BCL11B: variants seen among roughly 807,000 people sequenced by gnomAD.
BCL11B encodes B-cell lymphoma/leukemia 11B.
Under a neutral mutation model 49.9 loss-of-function variants are expected in BCL11B, and 8 were observed. The ratio of observed to expected loss-of-function variants is 0.16; its 90% CI spans 0.09 to 0.29. The LOEUF is 0.29. Among genes scored for constraint, BCL11B ranks in the 10% least tolerant of loss-of-function variants. BCL11B has a pLI of 1.00. For synonymous variants in BCL11B, 739 were observed against 637.4 expected, an observed-to-expected ratio of 1.16 and a Z score of -2.40; for missense variants, 1,006 against 1,351.0, an observed-to-expected ratio of 0.74 and a Z score of 4.00.
At chr14:99,223,376 C>T (rs1888066943) in intron 3 of BCL11B, among the ~76,000 whole-genome samples, 2 of 152,150 alleles carry the variant, frequency 1.3e-5, no homozygotes. Flanking sequence ...CCCCTAATGT[C>T]TATTATTTTG....
chr14:99,206,625 G>A (rs762735601), intron 3 of BCL11B, among the ~76,000 whole-genome samples: 5 of 152,140 alleles, frequency 3.3e-5, no homozygotes, highest in African/African-American at 4.8e-5. Flanking sequence ...TGCTTGTGTC[G>A]AAGCCACTCT....
In BCL11B at chr14:99,262,532, G is replaced by A. The variant is rs964363842; in HGVS notation, c.59-4693C>T. ...GGATGGGTCCCAGGCTCTTAAAATCGTGTGCCACCAACGTCACAACCGCCA... is the reference window on the plus strand; with the variant it reads ...GGATGGGTCCCAGGCTCTTAAAATCATGTGCCACCAACGTCACAACCGCCA... On this transcript the variant is annotated intron_variant, in intron 1 of 3. Coordinates refer to ENST00000357195, the MANE Select transcript of BCL11B (RefSeq NM_138576.4). The surrounding 1 kb of genome is among the most constrained non-coding windows in gnomAD (Gnocchi z 4.2). Among the ~76,000 whole-genome samples the A allele has an allele frequency of 1.3e-5, 2 of 152,122 alleles. No homozygotes were observed. Among genetic ancestry groups the A allele is most frequent in the African/African-American group, 2.4e-5 (1 of 41,422 alleles).
In BCL11B at chr14:99,175,600, C is replaced by G; in HGVS notation, c.1236G>C (p.Met412Ile). 6.4e-7 allele frequency: 1 copy of G among 1,570,940 alleles called. No individual in the cohort carries two copies. Among genetic ancestry groups the G allele is most frequent in the Non-Finnish European group, 8.6e-7 (1 of 1,163,716 alleles). ...PFLSTPPLPP[M>I]PPGGTPPPQP... Reference sequence around the variant, plus strand: ...GCGGGGGCGGCGTGCCGCCAGGGGGCATGGGCGGCAGCGGCGGCGTGCTCA... The same window carrying G: ...GCGGGGGCGGCGTGCCGCCAGGGGGGATGGGCGGCAGCGGCGGCGTGCTCA... Residue 412 changes from methionine (M) to isoleucine (I), a missense_variant, in exon 4 of 4, where the codon ATG (methionine) becomes ATC (isoleucine). Around this residue, in one of 6 missense-constraint regions of BCL11B, gnomAD observed 97 missense variants for 81.5 expected, o/e 1.19. Transcript: ENST00000357195.
Position 99,228,034 on chromosome 14 carries a change from T to TC in BCL11B, c.640+3310dup, listed in dbSNP as rs1387521819. 2.0e-5 allele frequency among the ~76,000 whole-genome samples: 3 copies of TC among 152,084 alleles called. No individual in the cohort carries two copies. Among genetic ancestry groups the TC allele is most frequent in the Non-Finnish European group, 4.4e-5 (3 of 68,012 alleles). On this transcript the variant is annotated intron_variant, in intron 3 of 3. Transcript: ENST00000357195. This position sits in a 1 kb window ranked among gnomAD's most constrained non-coding sequence, Gnocchi z 4.8. ...AAACACACATACCTGTGTGGTTTTC[T>TC]CCCCCCGTAAAATCACATCCTTCTA... is the stretch of plus-strand genomic sequence containing the variant.
At chr14:99,266,742 T>G (rs952766482) in intron 1 of BCL11B, among the ~76,000 whole-genome samples, 2 of 152,240 alleles carry the variant, frequency 1.3e-5, no homozygotes, top group African/African-American at 4.8e-5. Context: ...TCCCCCTAGC[T>G]GCCAAGTGGC....
In BCL11B at chr14:99,174,486, G is replaced by C; in HGVS notation, c.2350C>G (p.Pro784Ala). The C allele has an allele frequency of 6.4e-7, 1 of 1,562,660 alleles. No homozygotes were observed. The highest frequency in any genetic ancestry group is 1.2e-5 in the South Asian group (1 of 85,970). ...CCCTCCTTGGAGCTGGGCCGCCCGG[G>C]GCCCGGGCCGCCCAGGTGCGGGGTG... ...GSTPHLGGPGPGRPSSKEGRR... is the reference protein window; with the variant it reads ...GSTPHLGGPGAGRPSSKEGRR... The change falls in exon 4 of 4, where the codon CCC becomes GCC. Residue 784 changes from proline (P) to alanine (A), a missense_variant. By Grantham distance (27) the Pro-to-Ala change is conservative. This residue lies in a region of BCL11B where 443 missense variants were observed against 499.7 expected (regional missense o/e 0.89). Transcript: ENST00000357195.
intron 2 of BCL11B, among the ~76,000 whole-genome samples, chr14:99,245,934 TGGGGACCGACGGGGGCG>T (rs890146274): frequency 6.7e-6 from 1 of 148,372 alleles, no homozygotes; most frequent in African/African-American, 2.5e-5. Context: ...GCTGCTGGGC[TGGGGACCGACGGGGGCG>T]GGGGGGAAAG....
At chr14:99,251,970 AG>A (rs1889021519) in intron 2 of BCL11B, among the ~76,000 whole-genome samples, 1 of 152,200 alleles carries the variant, frequency 6.6e-6, no homozygotes, top group Non-Finnish European at 1.5e-5. Flanking sequence ...AGTTCAAAGT[AG>A]GGTTAGAAAT....
At chr14:99,222,281 G>C (rs1388663197) in intron 3 of BCL11B, among the ~76,000 whole-genome samples, 1 of 152,082 alleles carries the variant, frequency 6.6e-6, no homozygotes, top group African/African-American at 2.4e-5. Flanking sequence ...GGATTCCACT[G>C]TCCTGTGTAC....
intron 1 of BCL11B, among the ~76,000 whole-genome samples, chr14:99,269,307 T>C (rs1484758877): frequency 1.3e-5 from 2 of 152,178 alleles, no homozygotes; most frequent in Non-Finnish European, 1.5e-5. Context: ...AATAAGCGAT[T>C]GCTGTGGCTT....
chr14:99,188,634 G>A (rs904850893), intron 3 of BCL11B, among the ~76,000 whole-genome samples: 8 of 152,184 alleles, frequency 5.3e-5, no homozygotes, highest in Admixed American at 2.6e-4. Context: ...AGGTCAGTTC[G>A]TCTTTCTGGG....
chr14:99,175,552 C>A lies in BCL11B; in HGVS notation c.1284G>T (p.Ser428=), dbSNP rs895104538. ...TGAAGGTCTTGCCGCAGAACTCGCA[C>A]GACTTGCTCTTGGCTGGCGGCTGCG... ...PPPQPPAKSK[S]CEFCGKTFKF... Residue 428 remains serine, a synonymous_variant, in exon 4 of 4, where the codon TCG becomes TCT. Transcript: ENST00000357195. 2.5e-6 allele frequency: 4 copies of A among 1,600,440 alleles called. No individual in the cohort carries two copies. The South Asian group carries it at 3.3e-5, about 13-fold the overall frequency.
chr14:99,265,381 G>A (rs1889450151), intron 1 of BCL11B, among the ~76,000 whole-genome samples: 1 of 152,108 alleles, frequency 6.6e-6, no homozygotes, highest in Non-Finnish European at 1.5e-5. Context: ...CTAAAGGTGA[G>A]GCCTAACCAG....
At chr14:99,261,727 C>G (rs1273045726) in intron 1 of BCL11B, among the ~76,000 whole-genome samples, 3 of 152,060 alleles carry the variant, frequency 2.0e-5, no homozygotes, top group Non-Finnish European at 4.4e-5. Context: ...ATATTATGAG[C>G]CGAATAAAGT....
At position 99,271,871 on chromosome 14, in the gene BCL11B, G is replaced by T. The variant is rs1221502697; in HGVS notation, c.-653C>A. 3.3e-5 allele frequency among the ~76,000 whole-genome samples: 5 copies of T among 152,000 alleles called. No homozygotes were observed. The highest frequency in any genetic ancestry group is 7.2e-5 in the African/African-American group (3 of 41,400). ...AAGCAATGTAAAACTGCCCCGGTTC[G>T]GTTGTTTCTGGGTTTTCTGCGGGCT... On this transcript the variant is annotated 5_prime_UTR_variant, in exon 1 of 4. Coordinates refer to ENST00000357195, the MANE Select transcript of BCL11B (RefSeq NM_138576.4).
Position 99,194,249 on chromosome 14 carries a change from C to T in BCL11B, c.641-18054G>A, listed in dbSNP as rs1025225982. Among the ~76,000 whole-genome samples, 29 of 152,266 alleles carry T rather than the reference C, an allele frequency of 1.9e-4. No individual in the cohort carries two copies. The highest frequency in any genetic ancestry group is 5.1e-4 in the African/African-American group (21 of 41,540). On this transcript the variant is annotated intron_variant, in intron 3 of 3. Transcript: ENST00000357195. The surrounding 1 kb of genome is among the most constrained non-coding windows in gnomAD (Gnocchi z 4.6). Reference sequence around the variant, plus strand: ...AGCACAGAGCAAGTGCTGCTGGCCCCGGACTGTCCCCCAGCAGCAGAAGTC... The same window carrying T: ...AGCACAGAGCAAGTGCTGCTGGCCCTGGACTGTCCCCCAGCAGCAGAAGTC...
In BCL11B at chr14:99,170,935, G is replaced by T. The variant is rs970000079; in HGVS notation, c.*3216C>A. The T allele has an allele frequency of 1.7e-5, 4 of 232,516 alleles. No homozygotes were observed. In the East Asian group the frequency reaches 2.4e-4, roughly 14 times the overall value. The allele number at this position is 232,516 out of a possible 1,614,324, so 14.4% of individuals were successfully genotyped here. ...GCTCAGTTTGCATTGCTTTCTGCTG[G>T]TAAGGGCGGGAGAGGTGGTGGTGGT... On this transcript the variant is annotated 3_prime_UTR_variant, in exon 4 of 4. Coordinates refer to ENST00000357195, the MANE Select transcript of BCL11B (RefSeq NM_138576.4).
intron 2 of BCL11B, among the ~76,000 whole-genome samples, chr14:99,243,107 T>C (rs998228172): frequency 2.0e-5 from 3 of 152,106 alleles, no homozygotes; most frequent in African/African-American, 7.2e-5. Context: ...CAGGAAAAAA[T>C]ACCTTTTCTA....
At position 99,174,671 on chromosome 14, in the gene BCL11B, A is replaced by C; in HGVS notation, c.2165T>G (p.Met722Arg). 1 of 1,579,354 alleles carries C rather than the reference A, an allele frequency of 6.3e-7. No individual in the cohort carries two copies. Among genetic ancestry groups the C allele is most frequent in the Non-Finnish European group, 8.6e-7 (1 of 1,165,652 alleles). Residue 722 changes from methionine to arginine, a missense_variant, in exon 4 of 4, where the codon ATG becomes AGG. By Grantham distance (91) the Met-to-Arg change is moderately conservative. Around this residue, in one of 6 missense-constraint regions of BCL11B, gnomAD observed 443 missense variants for 499.7 expected, o/e 0.89. Coordinates refer to ENST00000357195, the MANE Select transcript of BCL11B (RefSeq NM_138576.4). ...LVGYAASRHF[M>R]KDPFLGFTDA... Reference sequence around the variant, plus strand: ...CGTGAAGCCCAGGAAGGGGTCCTTCATGAAGTGCCGCGACGCCGCGTAGCC... The same window carrying C: ...CGTGAAGCCCAGGAAGGGGTCCTTCCTGAAGTGCCGCGACGCCGCGTAGCC...
Sources: allele counts gnomAD v4.1 joint callset (sites outside exome capture counted in the v4.1 genomes callset), GRCh38; gene constraint gnomAD v4.1.1; regional missense constraint gnomAD v4.1.1; non-coding constraint Gnocchi (gnomAD v3.1); transcripts MANE v1.5; gene names NCBI Gene and HGNC (gene_info 2026-07-23, HGNC 2026-07-21).